Variants in SH3BP4 observed in about 807,000 individuals in gnomAD.
SH3BP4 encodes the protein SH3 domain binding protein 4.
In SH3BP4, 33 loss-of-function variants were observed where a neutral mutation model predicts 65.5. The observed-to-expected ratio is 0.50, with a 90% CI of 0.38 to 0.67. The LOEUF (loss-of-function observed/expected upper bound fraction) is 0.67, where lower values mean the gene tolerates loss of function less well. SH3BP4 is among the 30% of genes least tolerant of loss of function. SH3BP4 has a pLI of 0.00. For missense variants in SH3BP4, 1,134 were observed against 1,261.4 expected (o/e 0.90, Z 1.53); for synonymous variants, 552 against 545.5 (o/e 1.01, Z -0.17).
chr2:234,983,940 A>G (rs1693467468), intron 1 of SH3BP4, among the ~76,000 whole-genome samples: 2 of 152,208 alleles, frequency 1.3e-5, no homozygotes, highest in African/African-American at 2.4e-5. Context: ...TGGAGAGTCA[A>G]TGTGTGTTTT....
chr2:235,039,218 C>T (rs955597029), intron 3 of SH3BP4, among the ~76,000 whole-genome samples: 14 of 152,118 alleles, frequency 9.2e-5, no homozygotes, highest in Admixed American at 9.2e-4. Context: ...GGCTTCAAGG[C>T]CCAGGGATGC....
intron 1 of SH3BP4, among the ~76,000 whole-genome samples, chr2:234,982,537 G>A (rs1468425682): frequency 1.3e-5 from 2 of 152,184 alleles, no homozygotes; most frequent in African/African-American, 4.8e-5. Context: ...AGAAACTCAC[G>A]CACAGGGAGG....
chr2:235,019,583 T>A (rs183301929), intron 2 of SH3BP4, among the ~76,000 whole-genome samples: 180 of 151,990 alleles, frequency 1.2e-3, no homozygotes, highest in African/African-American at 4.1e-3. Context: ...ATTACAGGCA[T>A]GCACCACCAC....
chr2:234,999,940 G>C (rs1356692310), intron 2 of SH3BP4, among the ~76,000 whole-genome samples: 1 of 152,228 alleles, frequency 6.6e-6, no homozygotes, highest in African/African-American at 2.4e-5. Flanking sequence ...TGCAGGACCT[G>C]CCCTTGGGCT....
rs6727125 is a variant in SH3BP4, at chr2:235,026,572, G to C, written c.-132-8299G>C. Among the ~76,000 whole-genome samples the C allele has an allele frequency of 0.038, 5,810 of 152,234 alleles. 349 individuals are homozygous for C. The highest frequency in any genetic ancestry group is 0.13 in the African/African-American group (5,464 of 41,510). The stretch of plus-strand genomic sequence containing the variant: ...TCTCTTCCATTTATTTCTGTCCCTA[G>C]TTTTGAGCACAGAGCCTCGTTGCTA... On this transcript the variant is annotated intron_variant, in intron 2 of 5. Coordinates refer to ENST00000392011, the MANE Select transcript of SH3BP4 (RefSeq NM_014521.3). This position sits in a 1 kb window ranked among gnomAD's most constrained non-coding sequence, Gnocchi z 4.6.
rs753431414 is a variant in SH3BP4 at position 235,042,087 on chromosome 2, G to T, written c.1318G>T (p.Ala440Ser). The change falls in exon 4 of 6, where the codon GCA becomes TCA. Residue 440 changes from alanine (A) to serine (S), a missense_variant. Physicochemically the swap from Ala to Ser is moderately conservative, Grantham distance 99. Transcript: ENST00000392011. The surrounding 1 kb of genome is among the most constrained non-coding windows in gnomAD (Gnocchi z 7.3). Reference sequence around the variant, plus strand: ...CTGCAGCTGTGGGGACACGGTCCAGGCACAGCTGCACAACCTGGAGCCCTG... The same window carrying T: ...CTGCAGCTGTGGGGACACGGTCCAGTCACAGCTGCACAACCTGGAGCCCTG... Reference protein sequence around the residue: ...LNCSCGDTVQAQLHNLEPCMY... With the variant: ...LNCSCGDTVQSQLHNLEPCMY... The T allele has an allele frequency of 6.2e-7, 1 of 1,613,752 alleles. No individual in the cohort carries two copies. Among genetic ancestry groups the T allele is most frequent in the East Asian group, 2.2e-5 (1 of 44,882 alleles).
rs1024776758 is a variant in SH3BP4, at chr2:234,967,262, G to C, written c.-207+15092G>C. Among the ~76,000 whole-genome samples, 2 of 152,200 alleles carry C rather than the reference G, an allele frequency of 1.3e-5. No homozygotes were observed. Among genetic ancestry groups the C allele is most frequent in the African/African-American group, 4.8e-5 (2 of 41,454 alleles). ...CAGGGTGAACAAGGTGCTTAACCGG[G>C]ACCAGACTGGGGAGCAGGATGGGGC... On this transcript the variant is annotated intron_variant, in intron 1 of 5. Coordinates refer to ENST00000392011, the MANE Select transcript of SH3BP4 (RefSeq NM_014521.3). The surrounding 1 kb of genome is among the most constrained non-coding windows in gnomAD (Gnocchi z 4.6).
rs1225249782 is a variant in SH3BP4 at position 235,033,009 on chromosome 2, C to T, written c.-132-1862C>T. On this transcript the variant is annotated intron_variant, in intron 2 of 5. Transcript: ENST00000392011. The surrounding 1 kb of genome is among the most constrained non-coding windows in gnomAD (Gnocchi z 5.7). ...ATAACTGGCCTGGGTGAGTGCTGGC[C>T]TCCACTCTGCCCCTCCTTACACTGC... Among the ~76,000 whole-genome samples, 1 of 152,182 alleles carries T rather than the reference C, an allele frequency of 6.6e-6. No homozygotes were observed. Among genetic ancestry groups the T allele is most frequent in the African/African-American group, 2.4e-5 (1 of 41,448 alleles).
chr2:235,038,376 C>CATATATATATATAT lies in SH3BP4; in HGVS notation c.119-2485_119-2472dup, dbSNP rs1177080438. ...TATATATATATATATAATATATATA[C>CATATATATATATAT]ATATATATATATATATATATATATA... On this transcript the variant is annotated intron_variant, in intron 3 of 5. Coordinates refer to ENST00000392011, the MANE Select transcript of SH3BP4 (RefSeq NM_014521.3). Among the ~76,000 whole-genome samples, 2 of 12,360 alleles carry CATATATATATATAT rather than the reference C, an allele frequency of 1.6e-4. 1 individual carries two copies. Among genetic ancestry groups the CATATATATATATAT allele is most frequent in the Non-Finnish European group, 3.0e-4 (2 of 6,616 alleles). 8.1% of individuals were successfully genotyped at this position (12,360 alleles called of 152,430 possible).
In SH3BP4 at chr2:235,041,675, G is replaced by C; in HGVS notation, c.906G>C (p.Leu302Phe). Reference protein sequence around the residue: ...KLARSCHDLDLLGQSPGWGQT... With the variant: ...KLARSCHDLDFLGQSPGWGQT... ...CCCGGTCTTGCCACGACCTGGACTTGCTTGGCCAAAGCCCTGGTTGGGGCC... is the reference window on the plus strand; with the variant it reads ...CCCGGTCTTGCCACGACCTGGACTTCCTTGGCCAAAGCCCTGGTTGGGGCC... Residue 302 changes from leucine to phenylalanine, a missense_variant, in exon 4 of 6, where the codon TTG becomes TTC. Leu to Phe is a conservative substitution (Grantham distance 22, BLOSUM62 0). Transcript: ENST00000392011. The surrounding 1 kb of genome is among the most constrained non-coding windows in gnomAD (Gnocchi z 6.0). 1 of 1,613,498 alleles carries C rather than the reference G, an allele frequency of 6.2e-7. No individual in the cohort carries two copies. The highest frequency in any genetic ancestry group is 8.5e-7 in the Non-Finnish European group (1 of 1,179,724).
chr2:234,971,329 T>C (rs1692994607), intron 1 of SH3BP4, among the ~76,000 whole-genome samples: 1 of 152,254 alleles, frequency 6.6e-6, no homozygotes, highest in Non-Finnish European at 1.5e-5. Context: ...CCTATCATGT[T>C]ACAGTTGAAG....
At chr2:234,996,632 C>T (rs538554255) in intron 2 of SH3BP4, among the ~76,000 whole-genome samples, 12 of 152,346 alleles carry the variant, frequency 7.9e-5, no homozygotes, top group East Asian at 1.9e-4. Flanking sequence ...CTTTGGGCTG[C>T]GGTGAACCCT....
intron 1 of SH3BP4, among the ~76,000 whole-genome samples, chr2:234,966,357 G>A (rs149813711): frequency 8.5e-5 from 13 of 152,266 alleles, no homozygotes; most frequent in East Asian, 7.7e-4. Context: ...CAACCAGAGC[G>A]AAACTCGGTT....
chr2:234,980,045 A>AT (rs1244045228), intron 1 of SH3BP4: 1 of 152,220 alleles, frequency 6.6e-6, no homozygotes, highest in Non-Finnish European at 1.5e-5. Context: ...TAGCTAATAC[A>AT]TAGTCTTGCA....
rs1239326189 is a variant in SH3BP4, at chr2:235,033,285, T to A, written c.-132-1586T>A. Among the ~76,000 whole-genome samples the A allele has an allele frequency of 6.6e-6, 1 of 152,204 alleles. No homozygotes were observed. The highest frequency in any genetic ancestry group is 1.5e-5 in the Non-Finnish European group (1 of 68,012). On this transcript the variant is annotated intron_variant, in intron 2 of 5. Transcript: ENST00000392011. The surrounding 1 kb of genome is among the most constrained non-coding windows in gnomAD (Gnocchi z 5.7). ...TAGGAGGGCCCTCTTCCTGGCTTCA[T>A]GTGTCCTCACGTGGTAGAGGGAGAG...
chr2:234,957,037 T>G (rs1692604783), intron 1 of SH3BP4, among the ~76,000 whole-genome samples: 1 of 152,054 alleles, frequency 6.6e-6, no homozygotes, highest in South Asian at 2.1e-4. Context: ...TTTTTCTTTT[T>G]TTTGAGTCTC....
rs1695007462 is a variant in SH3BP4, at chr2:235,026,545, ACT to A, written c.-132-8321_-132-8320del. ...TCCAATACGGGTTCCCTCAAAACCA[ACT>A]CTCTTCCATTTATTTCTGTCCCTAG... On this transcript the variant is annotated intron_variant, in intron 2 of 5. Coordinates refer to ENST00000392011, the MANE Select transcript of SH3BP4 (RefSeq NM_014521.3). This position sits in a 1 kb window ranked among gnomAD's most constrained non-coding sequence, Gnocchi z 4.6. Among the ~76,000 whole-genome samples, 1 of 151,820 alleles carries A rather than the reference ACT, an allele frequency of 6.6e-6. No homozygotes were observed. Among genetic ancestry groups the A allele is most frequent in the African/African-American group, 2.4e-5 (1 of 41,304 alleles).
In SH3BP4 at chr2:234,976,010, C is replaced by T. The variant is rs73124235; in HGVS notation, c.-206-19293C>T. Among the ~76,000 whole-genome samples the T allele has an allele frequency of 6.3e-3, 957 of 152,346 alleles. 4 individuals carry two copies. Among genetic ancestry groups the T allele is most frequent in the African/African-American group, 0.018 (763 of 41,582 alleles). ...TTTCTCCAGCCTCAGTTTCCTGTCT[C>T]GTCAGCCCCATAGAAACTGAGCTCT... On this transcript the variant is annotated intron_variant, in intron 1 of 5. Transcript: ENST00000392011. This position sits in a 1 kb window ranked among gnomAD's most constrained non-coding sequence, Gnocchi z 4.7.
chr2:234,957,970 C>A (rs374008307), intron 1 of SH3BP4, among the ~76,000 whole-genome samples: 1 of 152,122 alleles, frequency 6.6e-6, no homozygotes, highest in African/African-American at 2.4e-5. Flanking sequence ...TCCAGGGGCA[C>A]GTGTCCTACA....
Sources: allele counts gnomAD v4.1 joint callset (sites outside exome capture counted in the v4.1 genomes callset), GRCh38; gene constraint gnomAD v4.1.1; non-coding constraint Gnocchi (gnomAD v3.1); transcripts MANE v1.5; gene names NCBI Gene and HGNC (gene_info 2026-07-23, HGNC 2026-07-21).